Variants in IL1RAPL1 observed in about 807,000 individuals in gnomAD.
IL1RAPL1 encodes interleukin-1 receptor accessory protein-like 1.
In IL1RAPL1, 3 loss-of-function variants were observed where a neutral mutation model predicts 48.4. The observed-to-expected ratio is 0.06, with a 90% CI of 0.03 to 0.16. The LOEUF is 0.16. Ranked by LOEUF, IL1RAPL1 falls within the 10% of genes least tolerant of loss-of-function variation. IL1RAPL1 has a pLI of 1.00. For synonymous variants in IL1RAPL1, 185 were observed against 187.7 expected (o/e 0.99, Z 0.12); for missense variants, 349 against 530.6 (o/e 0.66, Z 3.36).
At chrX:29,310,863 G>T (rs972400004) in intron 3 of IL1RAPL1, among the ~76,000 whole-genome samples, 1 of 111,750 alleles carries the variant, frequency 8.9e-6, no homozygotes, top group Non-Finnish European at 1.9e-5. Flanking sequence ...AATTCTTCTA[G>T]GCATTCCTAT....
At chrX:29,220,911 CT>C (rs1389956664) in intron 2 of IL1RAPL1, among the ~76,000 whole-genome samples, 1 of 111,267 alleles carries the variant, frequency 9.0e-6, no homozygotes, top group Non-Finnish European at 1.9e-5. Context: ...TATTGCTTTT[CT>C]TTTCCTTTTT....
chrX:28,702,677 A>G, intron 1 of IL1RAPL1, among the ~76,000 whole-genome samples: 1 of 111,859 alleles, frequency 8.9e-6, no homozygotes, highest in Non-Finnish European at 1.9e-5. Flanking sequence ...ATGCTGAAAT[A>G]TGTTGGATTT....
chrX:29,532,863 T>C (rs1921090132), intron 5 of IL1RAPL1, among the ~76,000 whole-genome samples: 1 of 111,699 alleles, frequency 9.0e-6, no homozygotes, highest in African/African-American at 3.3e-5. Context: ...CCCTACCCCA[T>C]TGACTCCCAA....
intron 6 of IL1RAPL1, among the ~76,000 whole-genome samples, chrX:29,752,937 A>G (rs969040609): frequency 2.7e-5 from 3 of 112,193 alleles, no homozygotes; most frequent in Non-Finnish European, 5.6e-5. Flanking sequence ...TGTCCAATAT[A>G]TTTGTCCTTA....
chrX:28,801,799 T>C (rs1721861667), intron 2 of IL1RAPL1, among the ~76,000 whole-genome samples: 1 of 112,202 alleles, frequency 8.9e-6, no homozygotes, highest in African/African-American at 3.2e-5. Flanking sequence ...ACGAGCCTTG[T>C]TGATTGGGAA....
At chrX:29,634,917 A>G (rs1280448751) in intron 5 of IL1RAPL1, among the ~76,000 whole-genome samples, 1 of 112,054 alleles carries the variant, frequency 8.9e-6, no homozygotes, top group Admixed American at 9.5e-5. Context: ...ATTACAATGA[A>G]TATTCTCAAA....
At chrX:28,971,034 A>T (rs1752955475) in intron 2 of IL1RAPL1, among the ~76,000 whole-genome samples, 1 of 111,239 alleles carries the variant, frequency 9.0e-6, no homozygotes, top group African/African-American at 3.3e-5. Context: ...AGGGAAAGAG[A>T]AGTATAGAAT....
chrX:28,859,807 CAAT>C (rs773315508), intron 2 of IL1RAPL1, among the ~76,000 whole-genome samples: 6 of 106,946 alleles, frequency 5.6e-5, no homozygotes, highest in Non-Finnish European at 7.7e-5. Context: ...TATTGTATAT[CAAT>C]TATTTATTGA....
intron 1 of IL1RAPL1, among the ~76,000 whole-genome samples, chrX:28,610,490 A>G (rs1231706999): frequency 8.9e-6 from 1 of 112,724 alleles, no homozygotes; most frequent in East Asian, 2.8e-4. Flanking sequence ...GCATGGAAGT[A>G]AATCCATGCA....
At position 29,395,377 on chromosome X, in the gene IL1RAPL1, A is replaced by G. The variant is rs190489567; in HGVS notation, c.363-881A>G. ...CATTAGCCAGCACCATGCCTGACAC[A>G]TGATCAGTGTTCATTGAATGTCCTG... On this transcript the variant is annotated intron_variant, in intron 3 of 10. Coordinates refer to ENST00000378993, the MANE Select transcript of IL1RAPL1 (RefSeq NM_014271.4). Among the ~76,000 whole-genome samples the G allele has an allele frequency of 8.0e-5, 9 of 111,873 alleles. No homozygotes were observed. In the East Asian group the frequency reaches 2.0e-3, roughly 24 times the overall value.
intron 6 of IL1RAPL1, among the ~76,000 whole-genome samples, chrX:29,782,888 A>ATTTTTTTTTTTTTTTT (rs780831874): frequency 6.4e-5 from 2 of 31,069 alleles, no homozygotes; most frequent in African/African-American, 2.5e-4. Flanking sequence ...TGATCGTGAC[A>ATTTTTTTTTTTTTTTT]TTTTTTTTTT....
chrX:29,874,862 A>C (rs900933018), intron 6 of IL1RAPL1, among the ~76,000 whole-genome samples: 2 of 112,457 alleles, frequency 1.8e-5, no homozygotes, highest in Non-Finnish European at 3.8e-5. Flanking sequence ...TCCACCAAAA[A>C]AAATTTCATC....
chrX:29,509,814 T>A (rs1309421030), intron 5 of IL1RAPL1, among the ~76,000 whole-genome samples: 1 of 112,427 alleles, frequency 8.9e-6, no homozygotes. Flanking sequence ...TTAATTCCGC[T>A]AGGTTAATTT....
chrX:28,616,075 G>C (rs1934215695), intron 1 of IL1RAPL1, among the ~76,000 whole-genome samples: 1 of 112,454 alleles, frequency 8.9e-6, no homozygotes, highest in African/African-American at 3.2e-5. Flanking sequence ...ATTTGAGAAA[G>C]GCACTCCCCC....
intron 1 of IL1RAPL1, among the ~76,000 whole-genome samples, chrX:28,651,115 G>A (rs778081714): frequency 1.4e-4 from 16 of 111,769 alleles, no homozygotes; most frequent in East Asian, 5.6e-4. Context: ...GTGTATAAGC[G>A]GTATATGAAA....
intron 2 of IL1RAPL1, among the ~76,000 whole-genome samples, chrX:28,861,470 A>G (rs191282856): frequency 1.8e-5 from 2 of 112,292 alleles, no homozygotes; most frequent in East Asian, 5.6e-4. Flanking sequence ...TTATAAAGGC[A>G]TTAACTTTTT....
intron 5 of IL1RAPL1, among the ~76,000 whole-genome samples, chrX:29,527,590 G>T (rs2147776396): frequency 9.1e-6 from 1 of 110,166 alleles, no homozygotes; most frequent in African/African-American, 3.3e-5. Context: ...CTCCCAAAGT[G>T]CTGGGATTAC....
intron 5 of IL1RAPL1, among the ~76,000 whole-genome samples, chrX:29,492,291 C>T (rs181578746): frequency 5.6e-4 from 63 of 112,062 alleles, no homozygotes; most frequent in African/African-American, 1.6e-3. Context: ...TTGCTCTTAG[C>T]CTTTTGCAAA....
At chrX:29,623,792 C>T (rs779102646) in intron 5 of IL1RAPL1, among the ~76,000 whole-genome samples, 38 of 112,090 alleles carry the variant, frequency 3.4e-4, no homozygotes, top group Admixed American at 2.0e-3. Context: ...AGGAATTCCA[C>T]GTGCATCGCC....
Sources: allele counts gnomAD v4.1 joint callset (sites outside exome capture counted in the v4.1 genomes callset), GRCh38; gene constraint gnomAD v4.1.1; transcripts MANE v1.5; gene names NCBI Gene and HGNC (gene_info 2026-07-23, HGNC 2026-07-21).